The following MEF2C variants were observed in gnomAD, a reference collection of about 807,000 sequenced individuals.
The protein encoded by MEF2C is myocyte enhancer factor 2C.
In MEF2C, 6 loss-of-function variants were observed where a neutral mutation model predicts 50.5. The observed-to-expected ratio is 0.12, with a 90% CI of 0.07 to 0.23. The LOEUF (loss-of-function observed/expected upper bound fraction) is 0.23. MEF2C is among the 10% of genes least tolerant of loss of function. MEF2C has a pLI of 1.00. For synonymous variants in MEF2C, 183 were observed against 228.0 expected, an observed-to-expected ratio of 0.80 and a Z score of 1.78; for missense variants, 276 against 605.0, an observed-to-expected ratio of 0.46 and a Z score of 5.70.
intron 1 of MEF2C, among the ~76,000 whole-genome samples, chr5:88,856,674 C>T (rs971388223): frequency 2.8e-4 from 43 of 152,238 alleles, no homozygotes; most frequent in African/African-American, 1.0e-3. Context: ...GGGAACAGCT[C>T]AGGCTGTTGC....
intron 1 of MEF2C, among the ~76,000 whole-genome samples, chr5:88,876,709 G>A (rs1374225952): frequency 2.6e-5 from 4 of 151,918 alleles, no homozygotes; most frequent in Non-Finnish European, 5.9e-5. Flanking sequence ...CTTGCTGAAA[G>A]AATCACAGGT....
In MEF2C at chr5:88,808,044, A is replaced by G. The variant is rs538509697; in HGVS notation, c.55-3243T>C. Among the ~76,000 whole-genome samples the G allele has an allele frequency of 3.9e-5, 6 of 152,320 alleles. No homozygotes were observed. The East Asian group carries it at 1.2e-3, about 29-fold the overall frequency. The stretch of plus-strand genomic sequence containing the variant: ...TCATATCTGATTATCATACTACTTT[A>G]GAAACTTTTATTCTGTTTTATGCAG... On this transcript the variant is annotated intron_variant, in intron 2 of 10. Coordinates refer to ENST00000504921, the MANE Select transcript of MEF2C (RefSeq NM_002397.5).
intron 3 of MEF2C, among the ~76,000 whole-genome samples, chr5:88,797,812 C>T (rs569248173): frequency 6.6e-6 from 1 of 152,240 alleles, no homozygotes; most frequent in East Asian, 1.9e-4. Flanking sequence ...TTAGTGCTTC[C>T]TTTAGGAGCC....
At chr5:88,856,880 T>TA (rs1279782859) in intron 1 of MEF2C, among the ~76,000 whole-genome samples, 1 of 152,180 alleles carries the variant, frequency 6.6e-6, no homozygotes, top group Non-Finnish European at 1.5e-5. Flanking sequence ...AGAAGGGAAA[T>TA]ATGTGGTCAG....
intron 4 of MEF2C, among the ~76,000 whole-genome samples, chr5:88,753,525 A>G (rs1773827078): frequency 6.6e-6 from 1 of 152,096 alleles, no homozygotes; most frequent in African/African-American, 2.4e-5. Flanking sequence ...CCTCCCAAGC[A>G]GTGGTTGGCA....
intron 3 of MEF2C, among the ~76,000 whole-genome samples, chr5:88,764,399 AG>A (rs1394244974): frequency 1.3e-5 from 2 of 152,192 alleles, no homozygotes; most frequent in African/African-American, 4.8e-5. Flanking sequence ...GCCTGGAGAC[AG>A]TGTGGGGCCT....
At chr5:88,818,749 T>G (rs1318192885) in intron 2 of MEF2C, among the ~76,000 whole-genome samples, 2 of 151,956 alleles carry the variant, frequency 1.3e-5, no homozygotes, top group African/African-American at 2.4e-5. Flanking sequence ...TCCTTTGTGC[T>G]CCTGCTCTAC....
At chr5:88,751,717 C>T (rs557694363) in intron 5 of MEF2C, 140 bp downstream of exon 5, 75 of 1,091,060 alleles carry the variant, frequency 6.9e-5, no homozygotes, top group Non-Finnish European at 8.9e-5. Context: ...TGCAGGAGAC[C>T]TAGCTCGGGG....
intron 1 of MEF2C, among the ~76,000 whole-genome samples, chr5:88,841,539 C>T (rs562829384): frequency 3.8e-4 from 57 of 148,326 alleles, no homozygotes; most frequent in African/African-American, 1.4e-3. Context: ...AAAAAAGAAG[C>T]AAAGAAAAAA....
intron 2 of MEF2C, among the ~76,000 whole-genome samples, chr5:88,814,441 C>T (rs1804375424): frequency 2.6e-5 from 4 of 151,888 alleles, no homozygotes. Context: ...TGCTTGTAAC[C>T]CTCCAGCATA....
chr5:88,895,817 G>C (rs13161714), intron 1 of MEF2C, among the ~76,000 whole-genome samples: 34,186 of 152,080 alleles, frequency 0.22, 4,140 homozygotes, highest in Non-Finnish European at 0.29. Context: ...CTTTATGTCC[G>C]CGGAATTCTT....
At chr5:88,796,988 A>T (rs1423386947) in intron 3 of MEF2C, among the ~76,000 whole-genome samples, 1 of 152,080 alleles carries the variant, frequency 6.6e-6, no homozygotes, top group Non-Finnish European at 1.5e-5. Flanking sequence ...GGTCTGAGAG[A>T]CTGTTTGTTA....
At chr5:88,741,130 T>A (rs1429439271) in intron 6 of MEF2C, 1 of 985,298 alleles carries the variant, frequency 1.0e-6, no homozygotes, top group Non-Finnish European at 1.2e-6. Context: ...CCCTTGAGGA[T>A]AGGAGCCCCG....
At chr5:88,835,446 A>G (rs1020253510) in intron 1 of MEF2C, among the ~76,000 whole-genome samples, 2 of 152,142 alleles carry the variant, frequency 1.3e-5, no homozygotes, top group Non-Finnish European at 1.5e-5. Context: ...CTCAAGCCCA[A>G]CAGATTAATT....
At chr5:88,769,876 C>G in intron 3 of MEF2C, 1 of 782,256 alleles carries the variant, frequency 1.3e-6, no homozygotes, top group Admixed American at 6.2e-5. Context: ...GAACTCTTGA[C>G]CTCATGTAAT....
At chr5:88,836,607 G>A (rs993349857) in intron 1 of MEF2C, among the ~76,000 whole-genome samples, 1 of 152,160 alleles carries the variant, frequency 6.6e-6, no homozygotes, top group African/African-American at 2.4e-5. Flanking sequence ...GCAAGGACAG[G>A]CACGCTGCAG....
chr5:88,741,495 CT>C, intron 6 of MEF2C: 1 of 985,362 alleles, frequency 1.0e-6, no homozygotes, highest in Non-Finnish European at 1.2e-6. Flanking sequence ...TCCCAAACTA[CT>C]CCTTGGGCAA....
intron 6 of MEF2C, chr5:88,734,378 G>A (rs1357177586): frequency 4.1e-6 from 4 of 985,290 alleles, no homozygotes; most frequent in Non-Finnish European, 4.8e-6. Flanking sequence ...GCAGTGCAAT[G>A]AAGCTTGAAT....
intron 1 of MEF2C, among the ~76,000 whole-genome samples, chr5:88,869,252 C>CATATATATACATATAT (rs1828404393): frequency 1.1e-5 from 1 of 89,996 alleles, no homozygotes; most frequent in Non-Finnish European, 2.2e-5. Flanking sequence ...AACTAGTTTT[C>CATATATATACATATAT]ATATATATAT....
Sources: gnomAD v4.1 joint callset for allele counts (sites outside exome capture counted in the v4.1 genomes callset) on GRCh38, gnomAD v4.1.1 for gene constraint, MANE v1.5 for transcripts, NCBI Gene and HGNC (gene_info 2026-07-23, HGNC 2026-07-21) for gene names.